TSHZ2: variants seen among roughly 807,000 people sequenced by gnomAD.
TSHZ2 encodes the protein teashirt zinc finger homeobox 2, also known as teashirt homolog 2.
In TSHZ2, 21 loss-of-function variants were observed where a neutral mutation model predicts 74.4. That is an observed-to-expected ratio of 0.28 (90% CI 0.20 to 0.41). TSHZ2 has a LOEUF of 0.41. Ranked by LOEUF, TSHZ2 falls within the 10% of genes least tolerant of loss-of-function variation. The pLI is 1.00. For synonymous variants in TSHZ2, 540 were observed against 515.3 expected (o/e 1.05, Z -0.65); for missense variants, 1,244 against 1,293.5 (o/e 0.96, Z 0.59).
In TSHZ2 at chr20:53,349,743, C is replaced by T. The variant is rs375462456; in HGVS notation, c.*8+93172C>T. On this transcript the variant is annotated intron_variant, in intron 2 of 2. Coordinates refer to ENST00000371497, the MANE Select transcript of TSHZ2 (RefSeq NM_173485.6). ...TAAAAATAATTATTAAGAAATCAGGCGTGCAGTTTTAATGCAATCTTCAGT... is the reference window on the plus strand; with the variant it reads ...TAAAAATAATTATTAAGAAATCAGGTGTGCAGTTTTAATGCAATCTTCAGT... Among the ~76,000 whole-genome samples the T allele has an allele frequency of 1.6e-4, 25 of 151,952 alleles. No homozygotes were observed. The South Asian group carries it at 4.6e-3, about 28-fold the overall frequency.
chr20:53,279,612 T>G (rs561210780), intron 2 of TSHZ2, among the ~76,000 whole-genome samples: 4 of 152,212 alleles, frequency 2.6e-5, no homozygotes, highest in Non-Finnish European at 5.9e-5. Context: ...ATCATGTTGT[T>G]TATGTATTTT....
chr20:53,340,177 C>T (rs74496278), intron 2 of TSHZ2, among the ~76,000 whole-genome samples: 1,580 of 93,892 alleles, frequency 0.017, 76 homozygotes, highest in African/African-American at 0.068. Flanking sequence ...ACTTTTCTTT[C>T]TTTTTTCTTT....
chr20:53,070,455 G>A (rs761714234), intron 1 of TSHZ2, among the ~76,000 whole-genome samples: 1 of 152,280 alleles, frequency 6.6e-6, no homozygotes, highest in Non-Finnish European at 1.5e-5. Flanking sequence ...TATCTGTGAA[G>A]CAATCTCTTT....
chr20:53,463,380 G>GAGGA (rs3042220), intron 2 of TSHZ2, among the ~76,000 whole-genome samples: 4,369 of 68,544 alleles, frequency 0.064, 209 homozygotes, highest in Middle Eastern at 0.081. Context: ...CAGAGAGAGA[G>GAGGA]AGGAAGGAAG....
chr20:53,129,459 C>T (rs1360586051), intron 1 of TSHZ2, among the ~76,000 whole-genome samples: 3 of 152,068 alleles, frequency 2.0e-5, no homozygotes, highest in Non-Finnish European at 4.4e-5. Flanking sequence ...GAACAAAAGG[C>T]AACTTACAAA....
intron 2 of TSHZ2, among the ~76,000 whole-genome samples, chr20:53,470,271 C>G (rs2145835711): frequency 6.6e-6 from 1 of 152,260 alleles, no homozygotes; most frequent in East Asian, 1.9e-4. Flanking sequence ...AAGCAATTAC[C>G]TGTATTTTAT....
In TSHZ2 at chr20:53,254,400, G is replaced by C. The variant is rs752188288; in HGVS notation, c.942G>C (p.Ser314=). 1 of 1,613,800 alleles carries C rather than the reference G, an allele frequency of 6.2e-7. No homozygotes were observed. The highest frequency in any genetic ancestry group is 8.5e-7 in the Non-Finnish European group (1 of 1,179,770). Residue 314 remains serine, a synonymous_variant, in exon 2 of 3, where the codon TCG becomes TCC. Coordinates refer to ENST00000371497, the MANE Select transcript of TSHZ2 (RefSeq NM_173485.6). ...PLKEPVPTIS[S]KMVTPAKKRV... ...AGGAGCCAGTCCCAACCATTTCCTCGAAAATGGTCACCCCGGCTAAGAAAC... is the reference window on the plus strand; with the variant it reads ...AGGAGCCAGTCCCAACCATTTCCTCCAAAATGGTCACCCCGGCTAAGAAAC...
intron 1 of TSHZ2, among the ~76,000 whole-genome samples, chr20:52,988,765 A>C (rs1017228501): frequency 6.6e-6 from 1 of 151,768 alleles, no homozygotes; most frequent in Non-Finnish European, 1.5e-5. Flanking sequence ...AATCATGAAA[A>C]CCCCCAACAC....
intron 1 of TSHZ2, among the ~76,000 whole-genome samples, chr20:53,209,693 T>A (rs1989255053): frequency 6.6e-6 from 1 of 152,192 alleles, no homozygotes; most frequent in East Asian, 1.9e-4. Context: ...TGGAATCAGC[T>A]GCTTTGCTTG....
chr20:53,108,071 T>C (rs1173500311), intron 1 of TSHZ2, among the ~76,000 whole-genome samples: 2 of 152,228 alleles, frequency 1.3e-5, no homozygotes, highest in Admixed American at 6.5e-5. Flanking sequence ...AAAATGTAGA[T>C]TTCTAGGCTT....
At chr20:53,232,721 C>A (rs1040626158) in intron 1 of TSHZ2, among the ~76,000 whole-genome samples, 3 of 151,916 alleles carry the variant, frequency 2.0e-5, no homozygotes, top group Non-Finnish European at 2.9e-5. Context: ...CAGAGCGAGA[C>A]CCCCCCTCTA....
chr20:52,984,838 G>A (rs988180431), intron 1 of TSHZ2, among the ~76,000 whole-genome samples: 2 of 152,190 alleles, frequency 1.3e-5, no homozygotes, highest in African/African-American at 4.8e-5. Context: ...GAGACCACAA[G>A]TTTGCAGGCA....
chr20:53,078,989 G>A (rs753465289), intron 1 of TSHZ2, among the ~76,000 whole-genome samples: 11 of 152,106 alleles, frequency 7.2e-5, no homozygotes, highest in African/African-American at 1.4e-4. Flanking sequence ...GGCAGTGGAC[G>A]AGCATGTTTA....
At chr20:53,377,019 G>C (rs1981681354) in intron 2 of TSHZ2, among the ~76,000 whole-genome samples, 1 of 152,230 alleles carries the variant, frequency 6.6e-6, no homozygotes, top group Admixed American at 6.5e-5. Context: ...TAGATGCTGT[G>C]GGTCAGTGTG....
intron 1 of TSHZ2, among the ~76,000 whole-genome samples, chr20:53,174,764 CG>C (rs1397467948): frequency 1.3e-5 from 2 of 152,090 alleles, no homozygotes; most frequent in Non-Finnish European, 2.9e-5. Context: ...TTCAAGTCCA[CG>C]GAGGGGCAGT....
intron 2 of TSHZ2, among the ~76,000 whole-genome samples, chr20:53,300,979 A>T (rs1372273723): frequency 2.0e-5 from 3 of 152,006 alleles, no homozygotes; most frequent in Admixed American, 2.0e-4. Context: ...TTTTTGAGGC[A>T]GAGTCTCCCT....
At chr20:53,250,568 G>A (rs762477157) in intron 1 of TSHZ2, among the ~76,000 whole-genome samples, 3 of 152,128 alleles carry the variant, frequency 2.0e-5, no homozygotes, top group Non-Finnish European at 2.9e-5. Context: ...TTTTGTATGA[G>A]GCTTTTCAAT....
chr20:53,038,447 G>C (rs1266375931), intron 1 of TSHZ2, among the ~76,000 whole-genome samples: 2 of 152,086 alleles, frequency 1.3e-5, no homozygotes, highest in Non-Finnish European at 1.5e-5. Context: ...ACTGTGCTAG[G>C]CATGATGAAT....
At chr20:53,066,644 A>C (rs1292640202) in intron 1 of TSHZ2, among the ~76,000 whole-genome samples, 1 of 152,090 alleles carries the variant, frequency 6.6e-6, no homozygotes, top group Non-Finnish European at 1.5e-5. Flanking sequence ...AGTAGCTGGG[A>C]TAACAGGTAC....
Sources: gnomAD v4.1 joint callset for allele counts (sites outside exome capture counted in the v4.1 genomes callset) on GRCh38, gnomAD v4.1.1 for gene constraint, MANE v1.5 for transcripts, NCBI Gene and HGNC (gene_info 2026-07-23, HGNC 2026-07-21) for gene names.